Variants in STAG2 observed in about 807,000 individuals in gnomAD.
STAG2 encodes cohesin subunit SA-2.
Under a neutral mutation model 108.1 loss-of-function variants are expected in STAG2, and 14 were observed. The observed-to-expected ratio is 0.13, with a 90% CI of 0.09 to 0.20. The LOEUF (loss-of-function observed/expected upper bound fraction) is 0.20, where lower values mean the gene tolerates loss of function less well. STAG2 is among the 10% of genes least tolerant of loss of function. The pLI is 1.00. For synonymous variants in STAG2, 307 were observed against 302.7 expected, an observed-to-expected ratio of 1.01 and a Z score of -0.15; for missense variants, 440 against 940.9, an observed-to-expected ratio of 0.47 and a Z score of 6.96.
At chrX:124,053,161 C>T (rs981806163) in intron 13 of STAG2, among the ~76,000 whole-genome samples, 2 of 112,145 alleles carry the variant, frequency 1.8e-5, no homozygotes, top group African/African-American at 6.5e-5. Flanking sequence ...TTGTTTTCTG[C>T]ATTTCAGGAT....
chrX:123,962,059 C>G (rs2053890325), intron 1 of STAG2: 1 of 111,624 alleles, frequency 9.0e-6, no homozygotes. Context: ...CCCACCCCCA[C>G]CCGCACTGTC....
chrX:123,964,906 C>T (rs1312161290), intron 1 of STAG2, among the ~76,000 whole-genome samples: 2 of 108,094 alleles, frequency 1.9e-5, no homozygotes, highest in Non-Finnish European at 3.8e-5. Flanking sequence ...AATCCTTGGT[C>T]TCCCTTAATT....
Position 124,051,173 on chromosome X carries a change from A to T in STAG2, c.1070A>T (p.Asn357Ile). Reference protein sequence around the residue: ...CLTALQGLYYNKELNSKLELF... With the variant: ...CLTALQGLYYIKELNSKLELF... ...ACTGCTCTACAAGGGCTTTATTATA[A>T]CAAAGAGCTTAATTCCAAACTGGAA... Residue 357 changes from asparagine to isoleucine, a missense_variant, in exon 12 of 35, where the codon AAC (asparagine) becomes ATC (isoleucine). Physicochemically the swap from Asn to Ile is moderately radical, Grantham distance 149. Around this residue, in one of 3 missense-constraint regions of STAG2, gnomAD observed 69 missense variants for 254.9 expected, o/e 0.27. Transcript: ENST00000371145. The T allele has an allele frequency of 8.4e-7, 1 of 1,188,928 alleles. No homozygotes were observed.
Position 124,050,315 on chromosome X carries a change from A to T in STAG2, c.1017+6A>T. On this transcript the variant is annotated splice_donor_region_variant and intron_variant, in intron 11 of 34. Coordinates refer to ENST00000371145, the MANE Select transcript of STAG2 (RefSeq NM_001042750.2). ...GTTGGACTATGCATGATAAGGTAAGATGTGCCCTTCAGACTGCTTCTTTCT... is the reference window on the plus strand; with the variant it reads ...GTTGGACTATGCATGATAAGGTAAGTTGTGCCCTTCAGACTGCTTCTTTCT... 1 of 1,198,418 alleles carries T rather than the reference A, an allele frequency of 8.3e-7. No homozygotes were observed. Among genetic ancestry groups the T allele is most frequent in the East Asian group, 3.0e-5 (1 of 33,292 alleles).
intron 26 of STAG2, among the ~76,000 whole-genome samples, chrX:124,077,680 T>C: frequency 8.9e-6 from 1 of 112,057 alleles, no homozygotes; most frequent in Non-Finnish European, 1.9e-5. Context: ...ATTGTTGTTT[T>C]GACTAAAACT....
rs763412839 is a variant in STAG2, at chrX:124,041,428, C to T, written c.386-1141C>T. 1.3e-4 allele frequency among the ~76,000 whole-genome samples: 14 copies of T among 109,491 alleles called. No individual in the cohort carries two copies. The East Asian group carries it at 2.9e-3, about 22-fold the overall frequency. ...ACAGCTATGTATATACACAGGCGCG[C>T]GCACACACACAGATGCATGCATATA... is the stretch of plus-strand genomic sequence containing the variant. On this transcript the variant is annotated intron_variant, in intron 6 of 34. Transcript: ENST00000371145.
intron 1 of STAG2, among the ~76,000 whole-genome samples, chrX:124,010,533 A>G (rs2056488593): frequency 9.0e-6 from 1 of 111,117 alleles, no homozygotes; most frequent in Admixed American, 9.7e-5. Context: ...GTTCTATTCC[A>G]CTGGTCTATT....
chrX:124,097,242 G>GA, intron 34 of STAG2, among the ~76,000 whole-genome samples: 1 of 105,673 alleles, frequency 9.5e-6, no homozygotes, highest in South Asian at 4.3e-4. Context: ...TGTGGCCTGA[G>GA]ATTCTGCACT....
chrX:124,062,365 C>T (rs940299186), intron 17 of STAG2, among the ~76,000 whole-genome samples: 7 of 111,964 alleles, frequency 6.3e-5, no homozygotes, highest in Admixed American at 4.7e-4. Context: ...TATATTGTGA[C>T]GTATTACACA....
chrX:123,996,001 T>C (rs2055720395), intron 1 of STAG2, among the ~76,000 whole-genome samples: 1 of 112,199 alleles, frequency 8.9e-6, no homozygotes, highest in African/African-American at 3.2e-5. Context: ...TGAATACCAC[T>C]GTTCACTTAG....
In STAG2 at chrX:123,983,974, C is replaced by CTTT. The variant is rs199881082; in HGVS notation, c.-163+22137_-163+22139dup. Among the ~76,000 whole-genome samples, 254 of 61,429 alleles carry CTTT rather than the reference C, an allele frequency of 4.1e-3. 19 individuals carry two copies. The highest frequency in any genetic ancestry group is 0.02 in the African/African-American group (219 of 10,954). 53.3% of individuals were successfully genotyped at this position (61,429 alleles called of 115,157 possible). On this transcript the variant is annotated intron_variant, in intron 1 of 34. Coordinates refer to ENST00000371145, the MANE Select transcript of STAG2 (RefSeq NM_001042750.2). The stretch of plus-strand genomic sequence containing the variant: ...AAAAAGAATAATTTTCTTTTCTTTT[C>CTTT]TTTTTTTTTTTTTTTTTTTTTGAGA...
chrX:124,000,082 T>C (rs2055954359), intron 1 of STAG2, among the ~76,000 whole-genome samples: 1 of 110,248 alleles, frequency 9.1e-6, no homozygotes, highest in African/African-American at 3.3e-5. Context: ...ACTACAGTCA[T>C]GTGCTGAATA....
At chrX:124,079,950 C>G (rs1350504710) in intron 27 of STAG2, among the ~76,000 whole-genome samples, 1 of 107,400 alleles carries the variant, frequency 9.3e-6, no homozygotes, top group Non-Finnish European at 1.9e-5. Context: ...TTTTTTGGAG[C>G]AGGAGAGGTT....
intron 23 of STAG2, 116 bp from the exon 24 acceptor site, chrX:124,068,448 C>T: frequency 2.4e-6 from 1 of 414,427 alleles, no homozygotes; most frequent in Non-Finnish European, 4.0e-6. Flanking sequence ...AAATCAAATG[C>T]AGAAGTAGAG....
chrX:124,040,017 A>G (rs2057657330), intron 6 of STAG2, among the ~76,000 whole-genome samples: 1 of 111,942 alleles, frequency 8.9e-6, no homozygotes, highest in Non-Finnish European at 1.9e-5. Context: ...TGTAATATTT[A>G]TCTTAGAATC....
chrX:123,966,418 C>T (rs757810069), intron 1 of STAG2, among the ~76,000 whole-genome samples: 4 of 109,226 alleles, frequency 3.7e-5, no homozygotes, highest in African/African-American at 6.7e-5. Flanking sequence ...GCTGAGATCG[C>T]GCCACTGCAC....
chrX:124,014,795 T>C (rs990718922), intron 1 of STAG2, among the ~76,000 whole-genome samples: 1 of 110,494 alleles, frequency 9.1e-6, no homozygotes, highest in African/African-American at 3.3e-5. Flanking sequence ...CCTATTCCTG[T>C]ACCAGAGCAG....
At chrX:124,015,657 G>A (rs1349664196) in intron 1 of STAG2, among the ~76,000 whole-genome samples, 1 of 112,026 alleles carries the variant, frequency 8.9e-6, no homozygotes, top group African/African-American at 3.2e-5. Flanking sequence ...ACAGGTGGGA[G>A]CCACCACACC....
At chrX:123,966,551 TTA>T (rs1337440542) in intron 1 of STAG2, among the ~76,000 whole-genome samples, 20 of 111,831 alleles carry the variant, frequency 1.8e-4, no homozygotes, top group Admixed American at 1.2e-3. Flanking sequence ...TAATAATTCT[TTA>T]TGTTTCTGGG....
Sources: allele counts gnomAD v4.1 joint callset (sites outside exome capture counted in the v4.1 genomes callset), GRCh38; gene constraint gnomAD v4.1.1; regional missense constraint gnomAD v4.1.1; transcripts MANE v1.5; gene names NCBI Gene and HGNC (gene_info 2026-07-23, HGNC 2026-07-21).